Variants in KIAA1586 observed in about 807,000 individuals in gnomAD.
KIAA1586 encodes the protein KIAA1586, also known as E3 SUMO-protein ligase KIAA1586.
Under a neutral mutation model 6.1 loss-of-function variants are expected in KIAA1586, and 5 were observed. That is an observed-to-expected ratio of 0.82 (90% CI 0.43 to 1.73). KIAA1586 has a LOEUF of 1.73. Among genes scored for constraint, KIAA1586 ranks in the 40% most tolerant of loss-of-function variants. The pLI is 0.02. For synonymous variants in KIAA1586, 280 were observed against 301.7 expected (o/e 0.93, Z 0.75); for missense variants, 899 against 878.2 (o/e 1.02, Z -0.30).
the KIAA1586 span, among the ~76,000 whole-genome samples, chr6:57,063,337 T>C: frequency 1.3e-5 from 2 of 152,190 alleles, no homozygotes; most frequent in Admixed American, 6.5e-5. Flanking sequence ...GGGTTTGTTT[T>C]ACTTTGTATT....
At chr6:57,061,473 G>A in the KIAA1586 span, among the ~76,000 whole-genome samples, 1 of 151,880 alleles carries the variant, frequency 6.6e-6, no homozygotes, top group African/African-American at 2.4e-5. Flanking sequence ...GCTCACTGCA[G>A]CATTGAACTT....
intron 2 of KIAA1586, among the ~76,000 whole-genome samples, chr6:57,048,665 A>G (rs984438915): frequency 6.6e-6 from 1 of 152,150 alleles, no homozygotes; most frequent in Non-Finnish European, 1.5e-5. Flanking sequence ...CTTTAGGAAA[A>G]ATAATTTTGG....
the KIAA1586 span, among the ~76,000 whole-genome samples, chr6:57,064,939 C>T: frequency 6.6e-6 from 1 of 152,128 alleles, no homozygotes; most frequent in Non-Finnish European, 1.5e-5. Flanking sequence ...GCTAAGAGCC[C>T]TGTAGATATT....
At chr6:57,056,166 A>T (rs1467736146), downstream of KIAA1586, among the ~76,000 whole-genome samples, 2 of 151,462 alleles carry the variant, frequency 1.3e-5, no homozygotes, top group Admixed American at 6.6e-5. Context: ...CTCCTGCCTC[A>T]GCCTCCCGAG....
intron 2 of KIAA1586, among the ~76,000 whole-genome samples, chr6:57,050,385 A>G (rs149352510): frequency 2.0e-5 from 3 of 149,416 alleles, no homozygotes; most frequent in East Asian, 2.0e-4. Flanking sequence ...TGGCATAATT[A>G]TAGCTCACTG....
chr6:57,054,743 A>G lies in KIAA1586; in HGVS notation c.2244A>G (p.Ala748=), dbSNP rs1828460056. The change falls in exon 4 of 4, where the codon GCA becomes GCG. Residue 748 remains alanine (A), a synonymous_variant. Transcript: ENST00000370733. Reference sequence around the variant, plus strand: ...GGAAAGAATTAGCAGATTGGGATGCAACACCGTTTGTAAAATCTTGGTCAA... The same window carrying G: ...GGAAAGAATTAGCAGATTGGGATGCGACACCGTTTGTAAAATCTTGGTCAA... ...LLGKELADWD[A]TPFVKSWSNC... 1 of 1,551,304 alleles carries G rather than the reference A, an allele frequency of 6.4e-7. No homozygotes were observed. The highest frequency in any genetic ancestry group is 1.2e-5 in the South Asian group (1 of 84,062).
chr6:57,059,576 G>A (rs1415427453), downstream of KIAA1586, among the ~76,000 whole-genome samples: 1 of 126,224 alleles, frequency 7.9e-6, no homozygotes, highest in Non-Finnish European at 1.6e-5. Context: ...GGGCGAGAGC[G>A]AGACTCTGTC....
At chr6:57,057,451 G>A (rs1380445988), downstream of KIAA1586, among the ~76,000 whole-genome samples, 2 of 151,868 alleles carry the variant, frequency 1.3e-5, no homozygotes, top group Non-Finnish European at 2.9e-5. Context: ...TCAATTGATG[G>A]CCCCAAAAGT....
At chr6:57,056,358 C>T (rs1418700075), downstream of KIAA1586, among the ~76,000 whole-genome samples, 1 of 152,082 alleles carries the variant, frequency 6.6e-6, no homozygotes, top group Admixed American at 6.6e-5. Flanking sequence ...AGGTGTCTGC[C>T]ACCATGCCCA....
At chr6:57,060,788 G>A in the KIAA1586 span, among the ~76,000 whole-genome samples, 1 of 151,956 alleles carries the variant, frequency 6.6e-6, no homozygotes, top group Non-Finnish European at 1.5e-5. Context: ...TTATTGAATG[G>A]GAACTGAAAA....
chr6:57,049,329 C>A (rs1013232363), intron 2 of KIAA1586, among the ~76,000 whole-genome samples: 4 of 152,094 alleles, frequency 2.6e-5, no homozygotes, highest in East Asian at 3.8e-4. Flanking sequence ...TAGTACCATC[C>A]AGTAAAGATG....
In KIAA1586 at chr6:57,052,905, T is replaced by A; in HGVS notation, c.406T>A (p.Cys136Ser). ...KEIDNLVLPD[C>S]WNEKQAFMFT... The stretch of plus-strand genomic sequence containing the variant: ...AATAGATAATCTTGTGCTTCCAGAT[T>A]GTTGGAATGAAAAACAAGCATTTAT... Residue 136 changes from cysteine to serine, a missense_variant, in exon 4 of 4, where the codon TGT (cysteine) becomes AGT (serine). By Grantham distance (112) the Cys-to-Ser change is moderately radical. Transcript: ENST00000370733. 1 of 1,612,284 alleles carries A rather than the reference T, an allele frequency of 6.2e-7. No homozygotes were observed. Among genetic ancestry groups the A allele is most frequent in the Non-Finnish European group, 8.5e-7 (1 of 1,179,288 alleles).
chr6:57,064,007 CAT>C, the KIAA1586 span, among the ~76,000 whole-genome samples: 1 of 152,124 alleles, frequency 6.6e-6, no homozygotes, highest in Admixed American at 6.5e-5. Flanking sequence ...CACACAGAGA[CAT>C]GTGCCGTGTA....
the KIAA1586 span, among the ~76,000 whole-genome samples, chr6:57,066,461 A>G: frequency 6.6e-6 from 1 of 152,112 alleles, no homozygotes; most frequent in African/African-American, 2.4e-5. Context: ...GTCATTGGGT[A>G]GAAGGGCATT....
At chr6:57,050,248 T>A (rs901086443) in intron 2 of KIAA1586, among the ~76,000 whole-genome samples, 35 of 150,704 alleles carry the variant, frequency 2.3e-4, no homozygotes, top group Admixed American at 8.6e-4. Context: ...ATTATTATGT[T>A]TTTTTTTTTT....
the KIAA1586 span, among the ~76,000 whole-genome samples, chr6:57,065,702 G>C: frequency 7.9e-5 from 12 of 152,090 alleles, no homozygotes; most frequent in Admixed American, 2.0e-4. Flanking sequence ...GCCCAGGCTG[G>C]TTGTGCATCT....
chr6:57,064,988 T>G, the KIAA1586 span, among the ~76,000 whole-genome samples: 1 of 152,196 alleles, frequency 6.6e-6, no homozygotes. Context: ...CCTCATGACT[T>G]CTGCTGAAGC....
chr6:57,054,284 C>T lies in KIAA1586; in HGVS notation c.1785C>T (p.Asn595=), dbSNP rs1158834376. 12 of 1,579,514 alleles carry T rather than the reference C, an allele frequency of 7.6e-6. No individual in the cohort carries two copies. The highest frequency in any genetic ancestry group is 9.4e-6 in the Non-Finnish European group (11 of 1,165,600). ...TTAAAGATATTCCATTTAATAAAAA[C>T]AATAAATTTAATGCTCTTCCTAGGA... ...DKFKDIPFNK[N]NKFNALPRSI... The change falls in exon 4 of 4, where the codon AAC becomes AAT. Residue 595 remains asparagine (N), a synonymous_variant. Coordinates refer to ENST00000370733, the MANE Select transcript of KIAA1586 (RefSeq NM_020931.4).
the KIAA1586 span, among the ~76,000 whole-genome samples, chr6:57,065,370 C>T: frequency 4.6e-5 from 7 of 152,124 alleles, no homozygotes; most frequent in Non-Finnish European, 4.4e-5. Flanking sequence ...AATCAGAAGC[C>T]TAATGCAACT....
Sources: allele counts gnomAD v4.1 joint callset (sites outside exome capture counted in the v4.1 genomes callset), GRCh38; gene constraint gnomAD v4.1.1; transcripts MANE v1.5; gene names NCBI Gene and HGNC (gene_info 2026-07-23, HGNC 2026-07-21).